Variants in PKD1L1 observed in about 807,000 individuals in gnomAD.
PKD1L1 encodes polycystin-1-like protein 1.
Under a neutral mutation model 323.4 loss-of-function variants are expected in PKD1L1, and 236 were observed. The ratio of observed to expected loss-of-function variants is 0.73; its 90% CI spans 0.66 to 0.81. PKD1L1 has a LOEUF of 0.81. Ranked by LOEUF, PKD1L1 falls within the 40% of genes least tolerant of loss-of-function variation. The pLI, the probability that PKD1L1 is intolerant of heterozygous loss-of-function variation, is 0.00. For synonymous variants in PKD1L1, 1,344 were observed against 1,335.0 expected, an observed-to-expected ratio of 1.01 and a Z score of -0.15; for missense variants, 3,320 against 3,508.0, an observed-to-expected ratio of 0.95 and a Z score of 1.35.
chr7:47,847,105 C>T, intron 31 of PKD1L1, 34 bp from the exon 32 acceptor site: 1 of 1,513,198 alleles, frequency 6.6e-7, no homozygotes, highest in Non-Finnish European at 8.8e-7. Context: ...AAAGTACAAC[C>T]TGAGGTTTGC....
At chr7:47,877,186 G>A (rs1328746743) in intron 22 of PKD1L1, among the ~76,000 whole-genome samples, 2 of 152,076 alleles carry the variant, frequency 1.3e-5, no homozygotes, top group Non-Finnish European at 2.9e-5. Flanking sequence ...TTTCTTGGGG[G>A]CAGCATTAAC....
At chr7:47,803,667 G>A (rs996647345) in intron 52 of PKD1L1, among the ~76,000 whole-genome samples, 6 of 152,178 alleles carry the variant, frequency 3.9e-5, no homozygotes, top group Admixed American at 3.3e-4. Flanking sequence ...CCCTGTCTGC[G>A]CCTCAGTCTA....
At chr7:47,848,792 T>G (rs1050703638) in intron 31 of PKD1L1, among the ~76,000 whole-genome samples, 2 of 151,602 alleles carry the variant, frequency 1.3e-5, no homozygotes, top group African/African-American at 4.8e-5. Flanking sequence ...GCAACAAGAG[T>G]GAAACTCCAG....
At position 47,840,538 on chromosome 7, in the gene PKD1L1, T is replaced by C; in HGVS notation, c.5475A>G (p.Gly1825=). 1 of 1,614,116 alleles carries C rather than the reference T, an allele frequency of 6.2e-7. No homozygotes were observed. Among genetic ancestry groups the C allele is most frequent in the Non-Finnish European group, 8.5e-7 (1 of 1,180,000 alleles). The change falls in exon 35 of 57, where the codon GGA becomes GGG. Residue 1825 remains glycine (G), a synonymous_variant. Transcript: ENST00000289672. The surrounding 1 kb of genome is among the most constrained non-coding windows in gnomAD (Gnocchi z 4.1). ...KVYIVLCGDN[G]LSETKELSCP... Reference sequence around the variant, plus strand: ...AGGAGAGCTCCTTGGTTTCTGACAGTCCATTGTCGCCACATAAAACAATGT... The same window carrying C: ...AGGAGAGCTCCTTGGTTTCTGACAGCCCATTGTCGCCACATAAAACAATGT...
intron 7 of PKD1L1, among the ~76,000 whole-genome samples, chr7:47,923,826 TGAG>T (rs1340308446): frequency 6.6e-6 from 1 of 152,250 alleles, no homozygotes. Flanking sequence ...AATTCAAGAA[TGAG>T]TCAATAAGAT....
intron 7 of PKD1L1, among the ~76,000 whole-genome samples, chr7:47,921,907 CT>C (rs1356305152): frequency 1.3e-5 from 2 of 151,084 alleles, no homozygotes; most frequent in East Asian, 3.9e-4. Flanking sequence ...CTCCCCTTCC[CT>C]TTCCCCCTCT....
intron 55 of PKD1L1, among the ~76,000 whole-genome samples, 169 bp downstream of exon 55, chr7:47,795,820 G>A (rs1784511545): frequency 6.6e-6 from 1 of 152,182 alleles, no homozygotes; most frequent in Admixed American, 6.5e-5. Context: ...GAATTGCACG[G>A]GAAAATTCCA....
intron 44 of PKD1L1, among the ~76,000 whole-genome samples, chr7:47,827,871 C>A (rs891210893): frequency 6.6e-6 from 1 of 152,086 alleles, no homozygotes. Context: ...AAGAAATGAC[C>A]TTTCTTTTCT....
intron 8 of PKD1L1, among the ~76,000 whole-genome samples, chr7:47,909,127 T>C (rs1266216744): frequency 6.6e-6 from 1 of 152,226 alleles, no homozygotes; most frequent in Non-Finnish European, 1.5e-5. Context: ...AGCAATAGAC[T>C]GTCAATACAA....
At chr7:47,874,400 A>G (rs11520726) in intron 23 of PKD1L1, among the ~76,000 whole-genome samples, 55,386 of 152,018 alleles carry the variant, frequency 0.36, 11,526 homozygotes, top group African/African-American at 0.57. Flanking sequence ...GCCAGATGCT[A>G]AGGGCCACAG....
intron 1 of PKD1L1, among the ~76,000 whole-genome samples, chr7:47,943,934 C>A (rs544238401): frequency 2.6e-5 from 4 of 152,296 alleles, no homozygotes; most frequent in Non-Finnish European, 5.9e-5. Flanking sequence ...ATTCTTCCAG[C>A]CCATGGGGAT....
At chr7:47,865,357 T>C (rs1691166452) in intron 25 of PKD1L1, 85 bp from the exon 26 acceptor site, 2 of 1,209,872 alleles carry the variant, frequency 1.7e-6, no homozygotes, top group Admixed American at 4.2e-5. Context: ...ACAGCTTGCC[T>C]ATGTAGAAAT....
rs767541319 is a variant in PKD1L1, at chr7:47,839,434, G to C, written c.5769+12C>G. The C allele has an allele frequency of 5.0e-6, 8 of 1,597,210 alleles. No individual in the cohort carries two copies. Among genetic ancestry groups the C allele is most frequent in the Non-Finnish European group, 6.8e-6 (8 of 1,170,322 alleles). On this transcript the variant is annotated intron_variant, in intron 36 of 56. Coordinates refer to ENST00000289672, the MANE Select transcript of PKD1L1 (RefSeq NM_138295.5). The surrounding 1 kb of genome is among the most constrained non-coding windows in gnomAD (Gnocchi z 4.3). ...CAGGTGCGCCACGAGAGGCCACCTG[G>C]AGGGAGCCTACCTTCCGGAAGCCGA...
chr7:47,948,201 G>A (rs911503994), intron 1 of PKD1L1, among the ~76,000 whole-genome samples, 196 bp downstream of exon 1: 1 of 152,158 alleles, frequency 6.6e-6, no homozygotes, highest in African/African-American at 2.4e-5. Context: ...AAAGCCTTCA[G>A]GAAAAAACTC....
At chr7:47,824,935 T>C (rs1417033270) in intron 45 of PKD1L1, among the ~76,000 whole-genome samples, 1 of 152,236 alleles carries the variant, frequency 6.6e-6, no homozygotes, top group Non-Finnish European at 1.5e-5. Context: ...TTTTACTTAC[T>C]GTGTCTGTAA....
At chr7:47,877,754 A>G (rs902378806) in intron 21 of PKD1L1, 123 bp from the exon 22 acceptor site, 1 of 1,155,024 alleles carries the variant, frequency 8.7e-7, no homozygotes, top group Non-Finnish European at 1.2e-6. Context: ...GACCAGCAGC[A>G]TCGGACTAAC....
At chr7:47,830,219 G>A (rs962429131) in intron 42 of PKD1L1, 95 bp from the exon 43 acceptor site, 53 of 1,016,952 alleles carry the variant, frequency 5.2e-5, no homozygotes, top group Non-Finnish European at 7.6e-5. Flanking sequence ...TGCCTGAGAG[G>A]GCCTATGGCC....
chr7:47,904,715 G>A, intron 11 of PKD1L1, 98 bp from the exon 12 acceptor site: 2 of 1,363,994 alleles, frequency 1.5e-6, no homozygotes, highest in Non-Finnish European at 2.0e-6. Context: ...GAGGAAGGCG[G>A]GGGAGGGGGA....
chr7:47,912,815 C>CAA (rs59792729), intron 8 of PKD1L1, among the ~76,000 whole-genome samples: 1,842 of 63,540 alleles, frequency 0.029, 61 homozygotes, highest in Non-Finnish European at 0.041. Flanking sequence ...GACTGTGTCT[C>CAA]AAAAAAAAAA....
Sources: gnomAD v4.1 joint callset for allele counts (sites outside exome capture counted in the v4.1 genomes callset) on GRCh38, gnomAD v4.1.1 for gene constraint, Gnocchi (gnomAD v3.1) non-coding constraint, MANE v1.5 for transcripts, NCBI Gene and HGNC (gene_info 2026-07-23, HGNC 2026-07-21) for gene names.